RAPGEF5: variants seen among roughly 807,000 people sequenced by gnomAD.
RAPGEF5 encodes Rap guanine nucleotide exchange factor 5, also known as M-Ras-regulated GEF.
A neutral mutation model predicts 125.2 loss-of-function variants in RAPGEF5; 65 were observed. The observed-to-expected ratio is 0.52, with a 90% CI of 0.43 to 0.64. The LOEUF is 0.64. Ranked by LOEUF, RAPGEF5 falls within the 30% of genes least tolerant of loss-of-function variation. The pLI, the probability that RAPGEF5 is intolerant of heterozygous loss-of-function variation, is 0.00. For synonymous variants in RAPGEF5, 391 were observed against 385.9 expected (o/e 1.01, Z -0.16); for missense variants, 958 against 1,048.1 (o/e 0.91, Z 1.19).
intron 7 of RAPGEF5, among the ~76,000 whole-genome samples, chr7:22,245,672 A>G (rs1786457515): frequency 6.6e-6 from 1 of 152,196 alleles, no homozygotes; most frequent in Non-Finnish European, 1.5e-5. Flanking sequence ...TGAGAAAACC[A>G]TAGGCTACTT....
At chr7:22,215,894 G>T (rs1220505546) in intron 9 of RAPGEF5, among the ~76,000 whole-genome samples, 1 of 152,182 alleles carries the variant, frequency 6.6e-6, no homozygotes, top group Non-Finnish European at 1.5e-5. Flanking sequence ...TAACATCTCA[G>T]CTACCTGAAG....
intron 9 of RAPGEF5, among the ~76,000 whole-genome samples, chr7:22,214,803 C>A (rs1291284999): frequency 6.6e-6 from 1 of 151,734 alleles, no homozygotes; most frequent in Non-Finnish European, 1.5e-5. Context: ...GGCTTCTGGG[C>A]CACCTATCAG....
intron 11 of RAPGEF5, among the ~76,000 whole-genome samples, chr7:22,168,089 T>G (rs933679859): frequency 2.6e-5 from 4 of 152,164 alleles, no homozygotes; most frequent in African/African-American, 9.7e-5. Flanking sequence ...TTAGAGTAAT[T>G]AGCTTGTGTA....
At position 22,131,069 on chromosome 7, in the gene RAPGEF5, A is replaced by C; in HGVS notation, c.2449T>G (p.Phe817Val). The change falls in exon 24 of 26, where the codon TTT (phenylalanine) becomes GTT (valine). Residue 817 changes from phenylalanine (F) to valine (V), a missense_variant. Physicochemically the swap from Phe to Val is conservative, Grantham distance 50 (BLOSUM62 -1). Coordinates refer to ENST00000665637, the MANE Select transcript of RAPGEF5 (RefSeq NM_012294.5). ...VTFIHEGNKT[F>V]LDNLVNFEKL... ...TCAAAATTGACAAGATTATCCAAAA[A>C]AGTTTTATTTCCTTCATGAATAAAT... 6.5e-7 allele frequency: 1 copy of C among 1,537,110 alleles called. No homozygotes were observed. Among genetic ancestry groups the C allele is most frequent in the Non-Finnish European group, 8.8e-7 (1 of 1,141,428 alleles).
At chr7:22,261,987 C>G (rs182010673) in intron 7 of RAPGEF5, among the ~76,000 whole-genome samples, 1 of 152,110 alleles carries the variant, frequency 6.6e-6, no homozygotes, top group African/African-American at 2.4e-5. Flanking sequence ...TAATTGGACT[C>G]TAGAGCTAGG....
chr7:22,356,274 G>A, intron 1 of RAPGEF5: 1 of 984,250 alleles, frequency 1.0e-6, no homozygotes, highest in African/African-American at 1.7e-5. Flanking sequence ...GTGTCCAGGA[G>A]TATTAAGTGC....
At chr7:22,182,493 A>G (rs1784705800) in intron 11 of RAPGEF5, among the ~76,000 whole-genome samples, 1 of 152,198 alleles carries the variant, frequency 6.6e-6, no homozygotes, top group African/African-American at 2.4e-5. Flanking sequence ...TAAATCACAC[A>G]TTTAAACAAA....
Position 22,145,092 on chromosome 7 carries a change from A to G in RAPGEF5, c.2138T>C (p.Leu713Pro). Reference sequence around the variant, plus strand: ...TTTCACCAGCTGCACTCGCTTGCCCAGCTGGCTGCAGAGCAGAATCTCCGT... The same window carrying G: ...TTTCACCAGCTGCACTCGCTTGCCCGGCTGGCTGCAGAGCAGAATCTCCGT... The part of the protein sequence containing the change: ...VATEILLCSQ[L>P]GKRVQLVKKF... The change falls in exon 20 of 26, where the codon CTG becomes CCG. Residue 713 changes from leucine (L) to proline (P), a missense_variant. Physicochemically the swap from Leu to Pro is moderately conservative, Grantham distance 98 (BLOSUM62 -3). Coordinates refer to ENST00000665637, the MANE Select transcript of RAPGEF5 (RefSeq NM_012294.5). 1 of 1,613,866 alleles carries G rather than the reference A, an allele frequency of 6.2e-7. No homozygotes were observed. The highest frequency in any genetic ancestry group is 8.5e-7 in the Non-Finnish European group (1 of 1,179,814).
chr7:22,173,569 C>A (rs1342342050), intron 11 of RAPGEF5, among the ~76,000 whole-genome samples: 2 of 152,206 alleles, frequency 1.3e-5, no homozygotes, highest in African/African-American at 4.8e-5. Context: ...GGCTTGGGGA[C>A]ACTCTTCAAA....
chr7:22,130,202 A>G (rs1186000474), intron 24 of RAPGEF5, among the ~76,000 whole-genome samples: 1 of 152,206 alleles, frequency 6.6e-6, no homozygotes, highest in African/African-American at 2.4e-5. Context: ...ACTCTATGAC[A>G]CTAAAGTTCA....
At chr7:22,271,785 G>C (rs1411303147) in intron 6 of RAPGEF5, among the ~76,000 whole-genome samples, 1 of 152,180 alleles carries the variant, frequency 6.6e-6, no homozygotes, top group Non-Finnish European at 1.5e-5. Context: ...CAACATGGCT[G>C]TTCACAAAAT....
chr7:22,252,863 T>C (rs1178929883), intron 7 of RAPGEF5, among the ~76,000 whole-genome samples: 1 of 152,214 alleles, frequency 6.6e-6, no homozygotes, highest in Non-Finnish European at 1.5e-5. Context: ...CTTTCTTGAT[T>C]GTAAGAATTT....
rs117745909 is a variant in RAPGEF5, at chr7:22,207,736, G to A, written c.996+12130C>T. On this transcript the variant is annotated intron_variant, in intron 9 of 25. Transcript: ENST00000665637. ...ATCAGTGAAACACGCCAAGGACTAT[G>A]TATAATATACTAAATTTTTTTTGAC... is the stretch of plus-strand genomic sequence containing the variant. 3.6e-3 allele frequency among the ~76,000 whole-genome samples: 543 copies of A among 152,226 alleles called. 1 individual carries two copies. Among genetic ancestry groups the A allele is most frequent in the Middle Eastern group, 0.014 (4 of 294 alleles).
At chr7:22,149,716 T>G (rs951232691) in intron 18 of RAPGEF5, among the ~76,000 whole-genome samples, 1 of 152,206 alleles carries the variant, frequency 6.6e-6, no homozygotes, top group Non-Finnish European at 1.5e-5. Flanking sequence ...TGGAACGAAG[T>G]GTACCAAATG....
intron 5 of RAPGEF5, among the ~76,000 whole-genome samples, chr7:22,296,236 AG>A (rs1783057401): frequency 6.6e-6 from 1 of 152,204 alleles, no homozygotes; most frequent in African/African-American, 2.4e-5. Context: ...TTCATTATTT[AG>A]GGACAGCCAG....
chr7:22,281,535 G>A (rs569591790), intron 6 of RAPGEF5, among the ~76,000 whole-genome samples: 8 of 152,256 alleles, frequency 5.3e-5, no homozygotes, highest in Middle Eastern at 3.4e-3. Context: ...ATCTAAAGCC[G>A]TCTTCCCTTC....
rs1029716239 is a variant in RAPGEF5 at position 22,122,251 on chromosome 7, T to C, written c.*155A>G. ...CCCCCTCTCTGGTGGCTGACATCAC[T>C]TCCTGAACACGCTTTGGCTGGCTTT... On this transcript the variant is annotated 3_prime_UTR_variant, in exon 26 of 26. Coordinates refer to ENST00000665637, the MANE Select transcript of RAPGEF5 (RefSeq NM_012294.5). The C allele has an allele frequency of 4.9e-5, 30 of 611,474 alleles. No individual in the cohort carries two copies. The highest frequency in any genetic ancestry group is 8.3e-5 in the Admixed American group (3 of 35,944). The allele number at this position is 611,474 out of a possible 1,614,324, so 37.9% of individuals were successfully genotyped here.
chr7:22,354,963 C>G (rs777275771), intron 1 of RAPGEF5, among the ~76,000 whole-genome samples: 28 of 152,216 alleles, frequency 1.8e-4, no homozygotes, highest in Non-Finnish European at 3.5e-4. Flanking sequence ...CTTTCAACCC[C>G]CTTCCTACTC....
intron 7 of RAPGEF5, among the ~76,000 whole-genome samples, chr7:22,246,966 CAT>C (rs931736361): frequency 5.3e-4 from 81 of 152,288 alleles, no homozygotes; most frequent in African/African-American, 1.9e-3. Context: ...AGCCAATAAA[CAT>C]ATGAAGAAAT....
Sources: gnomAD v4.1 joint callset for allele counts (sites outside exome capture counted in the v4.1 genomes callset) on GRCh38, gnomAD v4.1.1 for gene constraint, MANE v1.5 for transcripts, NCBI Gene and HGNC (gene_info 2026-07-23, HGNC 2026-07-21) for gene names.